The following SLC4A3 variants were observed in gnomAD, a reference collection of about 807,000 sequenced individuals.
SLC4A3 encodes solute carrier family 4 member 3.
SLC4A3 carries 47 observed loss-of-function variants against 114.2 expected under a neutral mutation model. The ratio of observed to expected loss-of-function variants is 0.41; its 90% confidence interval spans 0.33 to 0.52. SLC4A3 has a LOEUF of 0.52. Among genes scored for constraint, SLC4A3 ranks in the 20% least tolerant of loss-of-function variants. The pLI, the probability that SLC4A3 is intolerant of heterozygous loss-of-function variation, is 0.21. For synonymous variants in SLC4A3, 693 were observed against 710.3 expected (o/e 0.98, Z 0.39); for missense variants, 1,312 against 1,668.3 (o/e 0.79, Z 3.72).
Position 219,636,499 on chromosome 2 carries a change from C to T in SLC4A3, c.2340+49C>T. The T allele has an allele frequency of 1.3e-6, 2 of 1,537,498 alleles. No individual in the cohort carries two copies. Among genetic ancestry groups the T allele is most frequent in the Non-Finnish European group, 1.7e-6 (2 of 1,146,684 alleles). On this transcript the variant is annotated intron_variant, in intron 15 of 22. Coordinates refer to ENST00000358055, the MANE Select transcript of SLC4A3 (RefSeq NM_005070.4). This position sits in a 1 kb window ranked among gnomAD's most constrained non-coding sequence, Gnocchi z 5.5. The stretch of plus-strand genomic sequence containing the variant: ...CCATCCATCCTGCCCCACACTCTTC[C>T]TTACCTACATCCTGCCCCACACTCT...
Position 219,631,169 on chromosome 2 carries a change from G to A in SLC4A3, c.812-799G>A, listed in dbSNP as rs1384526324. On this transcript the variant is annotated intron_variant, in intron 6 of 22. Transcript: ENST00000358055. The surrounding 1 kb of genome is among the most constrained non-coding windows in gnomAD (Gnocchi z 6.3). ...GGTTGGACAGAAGCCACCCCGTCCA[G>A]GCTCCCACCTTGTAGGAGAGCCGAG... 1 of 1,188,378 alleles carries A rather than the reference G, an allele frequency of 8.4e-7. No individual in the cohort carries two copies. The highest frequency in any genetic ancestry group is 1.1e-6 in the Non-Finnish European group (1 of 932,076). 73.6% of individuals were successfully genotyped at this position (1,188,378 alleles called of 1,614,324 possible). A position where few individuals can be genotyped will look rare whatever the true frequency, so the allele number is the denominator to read the frequency against.
rs747133868 is a variant in SLC4A3, at chr2:219,639,765, C to G, written c.3277+30C>G. On this transcript the variant is annotated intron_variant, in intron 20 of 22. Coordinates refer to ENST00000358055, the MANE Select transcript of SLC4A3 (RefSeq NM_005070.4). This position sits in a 1 kb window ranked among gnomAD's most constrained non-coding sequence, Gnocchi z 5.9. ...GAGCCCGCCTCCACCCTGCACACCCCCTTCCTTGGGCCCCACGGTCTTACA... is the reference window on the plus strand; with the variant it reads ...GAGCCCGCCTCCACCCTGCACACCCGCTTCCTTGGGCCCCACGGTCTTACA... The G allele has an allele frequency of 1.3e-6, 2 of 1,594,874 alleles. No individual in the cohort carries two copies. The highest frequency in any genetic ancestry group is 1.7e-5 in the Admixed American group (1 of 59,918).
Position 219,629,710 on chromosome 2 carries a change from C to G in SLC4A3, c.611+15C>G, listed in dbSNP as rs1358301464. The G allele has an allele frequency of 1.9e-6, 3 of 1,572,142 alleles. No individual in the cohort carries two copies. The African/African-American group carries it at 4.1e-5, about 21-fold the overall frequency. On this transcript the variant is annotated intron_variant, in intron 5 of 22. Coordinates refer to ENST00000358055, the MANE Select transcript of SLC4A3 (RefSeq NM_005070.4). ...CACTCCAGCAGGTACTGGCTGCAGC[C>G]TCTACTCAGCAGGGCCCAGCCCAGA... is the stretch of plus-strand genomic sequence containing the variant.
rs1304014450 is a variant in SLC4A3 at position 219,635,899 on chromosome 2, A to C, written c.2191+8A>C. The C allele has an allele frequency of 6.7e-6, 10 of 1,493,618 alleles. No homozygotes were observed. Among genetic ancestry groups the C allele is most frequent in the Non-Finnish European group, 8.9e-6 (10 of 1,125,366 alleles). The allele number at this position is 1,493,618 out of a possible 1,614,324, so 92.5% of individuals were successfully genotyped here. A position where few individuals can be genotyped will look rare whatever the true frequency, so the allele number is the denominator to read the frequency against. ...CCTTCGGGGGGCTGCTGGGTAAGGG[A>C]CTGGGGCTTGGGGAGTTGAGGGGCT... On this transcript the variant is annotated splice_region_variant and intron_variant, in intron 14 of 22. Coordinates refer to ENST00000358055, the MANE Select transcript of SLC4A3 (RefSeq NM_005070.4).
In SLC4A3 at chr2:219,637,055, A is replaced by T. The variant is rs981579489; in HGVS notation, c.2535+181A>T. ...AGCTGAAGGGGAGGGAGTCAGACCCAGGGGGTGGGTGCCAGGTCACGACTC... is the reference window on the plus strand; with the variant it reads ...AGCTGAAGGGGAGGGAGTCAGACCCTGGGGGTGGGTGCCAGGTCACGACTC... On this transcript the variant is annotated intron_variant, in intron 16 of 22. Transcript: ENST00000358055. This position sits in a 1 kb window ranked among gnomAD's most constrained non-coding sequence, Gnocchi z 4.6. 2.6e-5 allele frequency among the ~76,000 whole-genome samples: 4 copies of T among 151,942 alleles called. No individual in the cohort carries two copies. The highest frequency in any genetic ancestry group is 6.6e-5 in the Admixed American group (1 of 15,264).
rs778236084 is a variant in SLC4A3, at chr2:219,628,477, T to G, written c.124T>G (p.Leu42Val). Residue 42 changes from leucine (L) to valine (V), a missense_variant, in exon 3 of 23, where the codon TTG (leucine) becomes GTG (valine). Leu to Val is a conservative substitution (Grantham distance 32). Transcript: ENST00000358055. The surrounding 1 kb of genome is among the most constrained non-coding windows in gnomAD (Gnocchi z 4.8). ...GGAGGACGATGACTTGGGCAAGACC[T>G]TGGCTGTGAGCAGGTTTGGGGACCT... ...EEEDDDLGKT[L>V]AVSRFGDLIS... 6.2e-7 allele frequency: 1 copy of G among 1,613,832 alleles called. No homozygotes were observed. The highest frequency in any genetic ancestry group is 1.1e-5 in the South Asian group (1 of 91,048).
chr2:219,628,060 G>C lies in SLC4A3; in HGVS notation c.51+17G>C. On this transcript the variant is annotated intron_variant, in intron 2 of 22. Transcript: ENST00000358055. The surrounding 1 kb of genome is among the most constrained non-coding windows in gnomAD (Gnocchi z 4.8). ...CTACCCCAGGTGATCGGCGCGCGCGGGGGCGGGGGAGAGATGGGGGAGGAG... is the reference window on the plus strand; with the variant it reads ...CTACCCCAGGTGATCGGCGCGCGCGCGGGCGGGGGAGAGATGGGGGAGGAG... The C allele has an allele frequency of 1.9e-6, 3 of 1,547,756 alleles. No individual in the cohort carries two copies. Among genetic ancestry groups the C allele is most frequent in the Non-Finnish European group, 2.6e-6 (3 of 1,148,876 alleles).
rs559891575 is a variant in SLC4A3 at position 219,638,080 on chromosome 2, C to G, written c.2767-84C>G. 1 of 1,159,988 alleles carries G rather than the reference C, an allele frequency of 8.6e-7. No homozygotes were observed. The highest frequency in any genetic ancestry group is 1.5e-5 in the African/African-American group (1 of 65,508). 71.9% of individuals were successfully genotyped at this position (1,159,988 alleles called of 1,614,324 possible). On this transcript the variant is annotated intron_variant, in intron 17 of 22. Transcript: ENST00000358055. The surrounding 1 kb of genome is among the most constrained non-coding windows in gnomAD (Gnocchi z 7.5). ...CTTCTGGCTCCAGCTTGGACCCAGGCAGGGCCAGAGATGGCAAGCCCCGTG... is the reference window on the plus strand; with the variant it reads ...CTTCTGGCTCCAGCTTGGACCCAGGGAGGGCCAGAGATGGCAAGCCCCGTG...
intron 5 of SLC4A3, among the ~76,000 whole-genome samples, 187 bp downstream of exon 5, chr2:219,629,882 A>AGGGGG (rs3214742): frequency 9.5e-6 from 1 of 104,972 alleles, no homozygotes; most frequent in African/African-American, 3.7e-5. Flanking sequence ...GGAGAGAACA[A>AGGGGG]GGGGGGGGGG....
Position 219,633,898 on chromosome 2 carries a change from G to C in SLC4A3, c.1480G>C (p.Gly494Arg). ...DAKEKPLHMP[G>R]GDGHRGKSLK... ...TCCTCAGAAGCCCCTCCACATGCCT[G>C]GGGGAGATGGTCACCGGGGGAAAAG... Residue 494 changes from glycine to arginine, a missense_variant, in exon 11 of 23, where the codon GGG becomes CGG. Physicochemically the swap from Gly to Arg is moderately radical, Grantham distance 125. Transcript: ENST00000358055. 1.3e-6 allele frequency: 2 copies of C among 1,559,612 alleles called. No homozygotes were observed. The highest frequency in any genetic ancestry group is 1.7e-6 in the Non-Finnish European group (2 of 1,151,134).
Position 219,631,026 on chromosome 2 carries a change from C to G in SLC4A3, c.811+674C>G. 1.4e-6 allele frequency: 1 copy of G among 717,002 alleles called. No individual in the cohort carries two copies. The highest frequency in any genetic ancestry group is 1.8e-6 in the Non-Finnish European group (1 of 568,666). 44.4% of individuals were successfully genotyped at this position (717,002 alleles called of 1,614,324 possible). On this transcript the variant is annotated intron_variant, in intron 6 of 22. Transcript: ENST00000358055. The surrounding 1 kb of genome is among the most constrained non-coding windows in gnomAD (Gnocchi z 6.3). ...AACAATCCGATGGCAGCAGTAGCAG[C>G]AGGATGGGGGGTGGGGGAGGGCGTG...
intron 10 of SLC4A3, 85 bp downstream of exon 10, chr2:219,633,542 G>T (rs1699013328): frequency 2.5e-6 from 3 of 1,223,030 alleles, no homozygotes; most frequent in East Asian, 5.3e-5. Context: ...CACTGAGTGG[G>T]TTGGGAAGGT....
At position 219,635,357 on chromosome 2, in the gene SLC4A3, C is replaced by T. The variant is rs1173400205; in HGVS notation, c.1833C>T (p.Ile611=). Residue 611 remains isoleucine (I), a synonymous_variant, in exon 13 of 23, where the codon ATC becomes ATT. Coordinates refer to ENST00000358055, the MANE Select transcript of SLC4A3 (RefSeq NM_005070.4). Reference sequence around the variant, plus strand: ...AGTTCCTGGATGGCAGCATTGTGATCCCCCCGTCCGAGGTGGAGGGCCGTG... The same window carrying T: ...AGTTCCTGGATGGCAGCATTGTGATTCCCCCGTCCGAGGTGGAGGGCCGTG... The part of the protein sequence containing the change: ...ISEFLDGSIV[I]PPSEVEGRDL... The T allele has an allele frequency of 2.5e-6, 4 of 1,613,996 alleles. No individual in the cohort carries two copies. The highest frequency in any genetic ancestry group is 1.7e-6 in the Non-Finnish European group (2 of 1,179,984).
chr2:219,632,156 C>T, intron 7 of SLC4A3, 40 bp downstream of exon 7: 4 of 1,606,994 alleles, frequency 2.5e-6, no homozygotes, highest in East Asian at 2.2e-5. Context: ...CTTCCTCATG[C>T]CCCTCGGCCC....
rs764785190 is a variant in SLC4A3 at position 219,638,910 on chromosome 2, A to AGCTCCTTG, written c.3023+53_3023+60dup. ...GGAGGAGGTGGGAGGGACGAGGCCA[A>AGCTCCTTG]GCTCCTTGGCTCCTTGGCTTGGTTT... On this transcript the variant is annotated intron_variant, in intron 19 of 22. Coordinates refer to ENST00000358055, the MANE Select transcript of SLC4A3 (RefSeq NM_005070.4). This position sits in a 1 kb window ranked among gnomAD's most constrained non-coding sequence, Gnocchi z 7.5. 5.7e-5 allele frequency: 91 copies of AGCTCCTTG among 1,601,938 alleles called. No homozygotes were observed. In the South Asian group the frequency reaches 9.3e-4, roughly 16 times the overall value.
rs1574645963 is a variant in SLC4A3, at chr2:219,630,499, A to G, written c.811+147A>G. On this transcript the variant is annotated intron_variant, in intron 6 of 22. Transcript: ENST00000358055. The surrounding 1 kb of genome is among the most constrained non-coding windows in gnomAD (Gnocchi z 6.9). ...TGCTGGGATGTGGCCAGTGATGGGG[A>G]CCTCACTACCTCACCCAGCCACCCT... 1.2e-6 allele frequency: 1 copy of G among 813,672 alleles called. No individual in the cohort carries two copies. The allele number at this position is 813,672 out of a possible 1,614,324, so 50.4% of individuals were successfully genotyped here.
At position 219,637,883 on chromosome 2, in the gene SLC4A3, G is replaced by A; in HGVS notation, c.2766+72G>A. 3.2e-6 allele frequency: 4 copies of A among 1,263,580 alleles called. No individual in the cohort carries two copies. The highest frequency in any genetic ancestry group is 3.5e-6 in the Non-Finnish European group (3 of 868,910). The allele number at this position is 1,263,580 out of a possible 1,614,324, so 78.3% of individuals were successfully genotyped here. A position where few individuals can be genotyped will look rare whatever the true frequency, so the allele number is the denominator to read the frequency against. On this transcript the variant is annotated intron_variant, in intron 17 of 22. Transcript: ENST00000358055. This position sits in a 1 kb window ranked among gnomAD's most constrained non-coding sequence, Gnocchi z 4.6. ...GCTGTAGGAGCTCCCCAGAGAGGCT[G>A]CACCCCTTCCCCGGTCAGCCCATGG...
At position 219,632,190 on chromosome 2, in the gene SLC4A3, C is replaced by G. The variant is rs190820671; in HGVS notation, c.961-72C>G. Reference sequence around the variant, plus strand: ...CCCGGAGCCCTCCTCTCTTTGCCCCCCTGCCTTGCCCCATCACGGTGTTCC... The same window carrying G: ...CCCGGAGCCCTCCTCTCTTTGCCCCGCTGCCTTGCCCCATCACGGTGTTCC... On this transcript the variant is annotated intron_variant, in intron 7 of 22. Transcript: ENST00000358055. The G allele has an allele frequency of 3.1e-5, 50 of 1,608,104 alleles. 1 individual carries two copies. Among genetic ancestry groups the G allele is most frequent in the Middle Eastern group, 1.7e-4 (1 of 6,028 alleles).
At position 219,631,434 on chromosome 2, in the gene SLC4A3, C is replaced by G. The variant is rs537707338; in HGVS notation, c.812-534C>G. On this transcript the variant is annotated intron_variant, in intron 6 of 22. Transcript: ENST00000358055. This position sits in a 1 kb window ranked among gnomAD's most constrained non-coding sequence, Gnocchi z 6.3. Reference sequence around the variant, plus strand: ...GGAGTCCATCAGGGGCCAGCTGGGCCCCATGGCAGGGCCACCAACTTGTGA... The same window carrying G: ...GGAGTCCATCAGGGGCCAGCTGGGCGCCATGGCAGGGCCACCAACTTGTGA... 21 of 1,304,078 alleles carry G rather than the reference C, an allele frequency of 1.6e-5. No individual in the cohort carries two copies. The South Asian group carries it at 2.3e-4, about 15-fold the overall frequency. The allele number at this position is 1,304,078 out of a possible 1,614,324, so 80.8% of individuals were successfully genotyped here. A position where few individuals can be genotyped will look rare whatever the true frequency, so the allele number is the denominator to read the frequency against.
Sources: allele counts gnomAD v4.1 joint callset (sites outside exome capture counted in the v4.1 genomes callset), GRCh38; gene constraint gnomAD v4.1.1; non-coding constraint Gnocchi (gnomAD v3.1); transcripts MANE v1.5; gene names NCBI Gene and HGNC (gene_info 2026-07-23, HGNC 2026-07-21).